The following ABTB3 variants were observed in gnomAD, a reference collection of about 807,000 sequenced individuals.
ABTB3 encodes ankyrin repeat and BTB domain containing 3.
chr12:107,645,944 G>C, the ABTB3 span, among the ~76,000 whole-genome samples: 1 of 152,248 alleles, frequency 6.6e-6, no homozygotes, highest in Non-Finnish European at 1.5e-5. Context: ...TGTGTGGCTT[G>C]AAATAGGCCA....
chr12:107,337,509 C>A, the ABTB3 span, among the ~76,000 whole-genome samples: 1 of 152,208 alleles, frequency 6.6e-6, no homozygotes, highest in Admixed American at 6.5e-5. Flanking sequence ...AGCACGTTCA[C>A]AATAGTATCT....
At chr12:107,398,202 T>G in the ABTB3 span, among the ~76,000 whole-genome samples, 1 of 151,976 alleles carries the variant, frequency 6.6e-6, no homozygotes, top group East Asian at 1.9e-4. Context: ...GAAAGCCTGA[T>G]GCATCGAGCA....
chr12:107,413,627 G>GA, the ABTB3 span, among the ~76,000 whole-genome samples: 1,428 of 152,068 alleles, frequency 9.4e-3, 10 homozygotes, highest in Admixed American at 0.015. Context: ...TAAAAAAAAA[G>GA]AAAAAAAATT....
At chr12:107,429,627 T>C in the ABTB3 span, among the ~76,000 whole-genome samples, 2 of 152,246 alleles carry the variant, frequency 1.3e-5, no homozygotes, top group East Asian at 3.9e-4. Context: ...GGGTGAATGG[T>C]GGGTTCTGAG....
chr12:107,654,823 C>CACACACACACACACACACACAA, the ABTB3 span, among the ~76,000 whole-genome samples: 1 of 136,326 alleles, frequency 7.3e-6, no homozygotes, highest in African/African-American at 3.0e-5. Context: ...TATACACACA[C>CACACACACACACACACACACAA]ACACACACAC....
the ABTB3 span, among the ~76,000 whole-genome samples, chr12:107,564,900 G>A: frequency 3.3e-5 from 5 of 152,228 alleles, no homozygotes; most frequent in Non-Finnish European, 4.4e-5. Context: ...GTTACACTGG[G>A]GCAAGCCCCA....
chr12:107,359,956 C>T, the ABTB3 span, among the ~76,000 whole-genome samples: 1 of 152,118 alleles, frequency 6.6e-6, no homozygotes, highest in African/African-American at 2.4e-5. Flanking sequence ...TTTTCCCTCC[C>T]TCTCTTCTTC....
the ABTB3 span, among the ~76,000 whole-genome samples, chr12:107,332,378 T>A: frequency 1.3e-5 from 2 of 152,216 alleles, no homozygotes; most frequent in Non-Finnish European, 1.5e-5. Flanking sequence ...TTAGCTGCTC[T>A]ATGAGGCAGA....
At chr12:107,469,920 T>TTCTC in the ABTB3 span, among the ~76,000 whole-genome samples, 2 of 102,038 alleles carry the variant, frequency 2.0e-5, no homozygotes. Flanking sequence ...CTTTCTTTCT[T>TTCTC]TCTCTCTCTC....
At chr12:107,358,117 C>T in the ABTB3 span, among the ~76,000 whole-genome samples, 3 of 152,166 alleles carry the variant, frequency 2.0e-5, no homozygotes, top group Admixed American at 6.5e-5. Context: ...ATCTTCTGCC[C>T]TCAGTGGAAT....
chr12:107,407,991 C>T, the ABTB3 span, among the ~76,000 whole-genome samples: 2 of 152,096 alleles, frequency 1.3e-5, no homozygotes, highest in South Asian at 2.1e-4. Context: ...AACCCCCAAC[C>T]TCCACGTCAA....
chr12:107,502,422 G>C, the ABTB3 span, among the ~76,000 whole-genome samples: 1 of 151,948 alleles, frequency 6.6e-6, no homozygotes, highest in Non-Finnish European at 1.5e-5. Flanking sequence ...TCCTTAATGG[G>C]ATCTGAGGCA....
At chr12:107,552,847 A>C in the ABTB3 span, among the ~76,000 whole-genome samples, 1 of 152,036 alleles carries the variant, frequency 6.6e-6, no homozygotes, top group Non-Finnish European at 1.5e-5. Flanking sequence ...ACCCCCAGAA[A>C]CCCTTCCCTA....
chr12:107,519,416 A>G, the ABTB3 span, among the ~76,000 whole-genome samples: 3 of 148,288 alleles, frequency 2.0e-5, no homozygotes, highest in Admixed American at 2.1e-4. Context: ...TCTGCCTCTC[A>G]GATTCAAGCA....
At chr12:107,573,526 G>GATGGA in the ABTB3 span, among the ~76,000 whole-genome samples, 1 of 149,232 alleles carries the variant, frequency 6.7e-6, no homozygotes, top group Non-Finnish European at 1.5e-5. Flanking sequence ...GGAACAGATG[G>GATGGA]TGAGTGGACA....
chr12:107,504,283 A>G, the ABTB3 span, among the ~76,000 whole-genome samples: 1 of 151,954 alleles, frequency 6.6e-6, no homozygotes, highest in Non-Finnish European at 1.5e-5. Flanking sequence ...TGCAAATGGT[A>G]GATTTATGCT....
At chr12:107,598,623 C>A in the ABTB3 span, among the ~76,000 whole-genome samples, 1 of 152,032 alleles carries the variant, frequency 6.6e-6, no homozygotes, top group Non-Finnish European at 1.5e-5. Flanking sequence ...GAAATAAGAG[C>A]AAAAACAGAG....
At chr12:107,651,559 T>C in the ABTB3 span, 324,068 of 627,906 alleles carry the variant, frequency 0.52, 82,919 homozygotes, top group East Asian at 0.68. Context: ...GTCCCCTACC[T>C]GTGACACTGC....
the ABTB3 span, among the ~76,000 whole-genome samples, chr12:107,528,184 G>A: frequency 1.3e-5 from 2 of 152,098 alleles, no homozygotes; most frequent in African/African-American, 4.8e-5. Context: ...GGTTTCTTGG[G>A]GGCTCCACAG....
Sources: gnomAD v4.1 joint callset for allele counts (sites outside exome capture counted in the v4.1 genomes callset) on GRCh38, gnomAD v4.1.1 for gene constraint, MANE v1.5 for transcripts, NCBI Gene and HGNC (gene_info 2026-07-23, HGNC 2026-07-21) for gene names.